Variants in ZMIZ1 observed in about 807,000 individuals in gnomAD.
The protein encoded by ZMIZ1 is zinc finger MIZ domain-containing protein 1.
ZMIZ1 carries 17 observed loss-of-function variants against 113.9 expected under a neutral mutation model. The ratio of observed to expected loss-of-function variants is 0.15; its 90% CI spans 0.10 to 0.22. The LOEUF (loss-of-function observed/expected upper bound fraction) is 0.22, where lower values mean the gene tolerates loss of function less well. Ranked by LOEUF, ZMIZ1 falls within the 10% of genes least tolerant of loss-of-function variation. ZMIZ1 has a pLI of 1.00. For synonymous variants in ZMIZ1, 607 were observed against 603.1 expected (o/e 1.01, Z -0.09); for missense variants, 1,059 against 1,477.8 (o/e 0.72, Z 4.65).
chr10:79,141,212 T>G (rs888708195), intron 3 of ZMIZ1, among the ~76,000 whole-genome samples: 4 of 152,134 alleles, frequency 2.6e-5, no homozygotes, highest in African/African-American at 4.8e-5. Flanking sequence ...ATGCATTCAT[T>G]CCCCAGGTGT....
In ZMIZ1 at chr10:79,288,400, G is replaced by T. The variant is rs527830978; in HGVS notation, c.426-1375G>T. 4.6e-5 allele frequency among the ~76,000 whole-genome samples: 7 copies of T among 152,320 alleles called. No individual in the cohort carries two copies. In the South Asian group the frequency reaches 1.5e-3, roughly 32 times the overall value. On this transcript the variant is annotated intron_variant, in intron 8 of 24. Coordinates refer to ENST00000334512, the MANE Select transcript of ZMIZ1 (RefSeq NM_020338.4). ...CAGCTAGGGTACAAGTCTGCCAGGT[G>T]TGACTGAGAACCTTTGCCATTTGCT...
intron 3 of ZMIZ1, among the ~76,000 whole-genome samples, chr10:79,152,849 G>A (rs970521540): frequency 9.4e-4 from 143 of 152,366 alleles, no homozygotes; most frequent in African/African-American, 3.3e-3. Flanking sequence ...ATGCACCACT[G>A]CTGCCTTCAC....
chr10:79,143,728 A>G (rs953836890), intron 3 of ZMIZ1, among the ~76,000 whole-genome samples: 3 of 151,512 alleles, frequency 2.0e-5, no homozygotes, highest in Non-Finnish European at 4.4e-5. Context: ...ACGGCTGCAC[A>G]CAGTATAGCT....
chr10:79,097,042 G>A (rs927942007), intron 1 of ZMIZ1, among the ~76,000 whole-genome samples: 10 of 152,154 alleles, frequency 6.6e-5, no homozygotes, highest in Admixed American at 2.0e-4. Flanking sequence ...GGGGATGACC[G>A]GCAGGGGCAG....
chr10:79,235,875 A>T (rs1849568843), intron 7 of ZMIZ1, among the ~76,000 whole-genome samples: 1 of 152,204 alleles, frequency 6.6e-6, no homozygotes, highest in Non-Finnish European at 1.5e-5. Context: ...GCCAGGATAG[A>T]CAGCTTGGGG....
chr10:79,195,254 A>C (rs1054130284), intron 4 of ZMIZ1, among the ~76,000 whole-genome samples: 1 of 152,238 alleles, frequency 6.6e-6, no homozygotes, highest in Non-Finnish European at 1.5e-5. Flanking sequence ...CTTTGCAGAC[A>C]GCGAAATGGA....
intron 7 of ZMIZ1, among the ~76,000 whole-genome samples, chr10:79,246,807 G>A (rs1211388352): frequency 6.6e-5 from 10 of 152,156 alleles, no homozygotes; most frequent in Non-Finnish European, 1.3e-4. Context: ...TTCCCAGGGA[G>A]CTCCCTGGCC....
intron 1 of ZMIZ1, among the ~76,000 whole-genome samples, chr10:79,117,749 T>G (rs1428234012): frequency 2.0e-5 from 3 of 152,142 alleles, no homozygotes; most frequent in African/African-American, 7.2e-5. Context: ...AGGGGGACTT[T>G]ACAAAGACCC....
chr10:79,221,630 C>G (rs1848976527), intron 7 of ZMIZ1, among the ~76,000 whole-genome samples: 1 of 152,208 alleles, frequency 6.6e-6, no homozygotes, highest in South Asian at 2.1e-4. Context: ...AGTCCCACGC[C>G]TGCTGGCAAC....
At chr10:79,298,291 C>G in intron 14 of ZMIZ1, 115 bp from the exon 15 acceptor site, 1 of 1,204,158 alleles carries the variant, frequency 8.3e-7, no homozygotes, top group South Asian at 1.5e-5. Flanking sequence ...AGGAGGCTCT[C>G]CTCCCGAGGG....
At chr10:79,218,073 A>G (rs1589437585) in intron 7 of ZMIZ1, among the ~76,000 whole-genome samples, 1 of 152,204 alleles carries the variant, frequency 6.6e-6, no homozygotes, top group Non-Finnish European at 1.5e-5. Context: ...GGGGCCACCA[A>G]GCTTTTTTCC....
intron 7 of ZMIZ1, among the ~76,000 whole-genome samples, chr10:79,256,355 C>A (rs1250535): frequency 2.6e-5 from 4 of 151,764 alleles, no homozygotes; most frequent in East Asian, 1.9e-4. Flanking sequence ...GCACCCACCC[C>A]ACAGTAGCCT....
intron 1 of ZMIZ1, among the ~76,000 whole-genome samples, chr10:79,079,887 G>A (rs1459847856): frequency 6.6e-6 from 1 of 152,222 alleles, no homozygotes; most frequent in Non-Finnish European, 1.5e-5. Context: ...TGCTCTGCAG[G>A]CTGCATTTTG....
intron 7 of ZMIZ1, among the ~76,000 whole-genome samples, chr10:79,262,512 G>A (rs1851329118): frequency 6.6e-6 from 1 of 152,216 alleles, no homozygotes; most frequent in African/African-American, 2.4e-5. Context: ...GATGTAAATG[G>A]CATTCTTATA....
chr10:79,114,105 G>A (rs2132304446), intron 1 of ZMIZ1, among the ~76,000 whole-genome samples: 1 of 152,312 alleles, frequency 6.6e-6, no homozygotes, highest in Admixed American at 6.5e-5. Flanking sequence ...GACTGGGGTG[G>A]CCCCCTCCAT....
At chr10:79,142,415 G>A (rs1428595462) in intron 3 of ZMIZ1, among the ~76,000 whole-genome samples, 4 of 152,136 alleles carry the variant, frequency 2.6e-5, no homozygotes, top group African/African-American at 4.8e-5. Context: ...CCGTTTAGGG[G>A]AGTGAGTGGA....
chr10:79,194,860 C>T (rs1244187762), intron 4 of ZMIZ1, among the ~76,000 whole-genome samples: 1 of 152,240 alleles, frequency 6.6e-6, no homozygotes, highest in Non-Finnish European at 1.5e-5. Flanking sequence ...CACCCTCGCT[C>T]TGCTGGGTGG....
intron 3 of ZMIZ1, among the ~76,000 whole-genome samples, chr10:79,148,106 C>G (rs905371043): frequency 2.0e-5 from 3 of 152,214 alleles, no homozygotes; most frequent in African/African-American, 7.2e-5. Context: ...ATTCATGTGT[C>G]TGTTTGTCCA....
intron 5 of ZMIZ1, among the ~76,000 whole-genome samples, chr10:79,205,906 G>A (rs1260499617): frequency 6.6e-6 from 1 of 152,104 alleles, no homozygotes; most frequent in Admixed American, 6.5e-5. Context: ...AGACCAGCCT[G>A]GGCAACATAG....
Sources: allele counts gnomAD v4.1 joint callset (sites outside exome capture counted in the v4.1 genomes callset), GRCh38; gene constraint gnomAD v4.1.1; transcripts MANE v1.5; gene names NCBI Gene and HGNC (gene_info 2026-07-23, HGNC 2026-07-21).